Variants in DMD observed in about 807,000 individuals in gnomAD.
DMD encodes the protein dystrophin.
A neutral mutation model predicts 330.1 loss-of-function variants in DMD; 63 were observed. The observed-to-expected ratio is 0.19, with a 90% CI of 0.16 to 0.24. The LOEUF (loss-of-function observed/expected upper bound fraction) is 0.24, where lower values mean the gene tolerates loss of function less well. Among genes scored for constraint, DMD ranks in the 10% least tolerant of loss-of-function variants. The pLI is 1.00. For synonymous variants in DMD, 1,223 were observed against 959.8 expected, an observed-to-expected ratio of 1.27 and a Z score of -5.07; for missense variants, 3,344 against 2,684.1, an observed-to-expected ratio of 1.25 and a Z score of -5.43.
intron 67 of DMD, among the ~76,000 whole-genome samples, chrX:31,186,951 G>C (rs1190456222): frequency 8.9e-6 from 1 of 112,502 alleles, no homozygotes; most frequent in Non-Finnish European, 1.9e-5. Context: ...CTGAACACCT[G>C]TGTCCAGATA....
intron 4 of DMD, among the ~76,000 whole-genome samples, chrX:32,830,296 GTTTT>G (rs202164779): frequency 9.2e-6 from 1 of 108,486 alleles, no homozygotes; most frequent in African/African-American, 3.3e-5. Context: ...TCTCTTTTAT[GTTTT>G]TTTTTCTAAT....
chrX:31,951,491 TGTTA>T (rs1603617769), intron 45 of DMD, among the ~76,000 whole-genome samples: 1 of 109,627 alleles, frequency 9.1e-6, no homozygotes, highest in Admixed American at 9.9e-5. Context: ...TGCACTGTCT[TGTTA>T]GTTATTTTTA....
intron 2 of DMD, among the ~76,000 whole-genome samples, chrX:33,002,850 G>GA (rs145168802): frequency 0.028 from 1,081 of 38,713 alleles, 39 homozygotes; most frequent in Non-Finnish European, 0.032. Flanking sequence ...TTTTTTTCTC[G>GA]AAAAAAAAAA....
intron 47 of DMD, among the ~76,000 whole-genome samples, chrX:31,920,993 T>A (rs2094682756): frequency 8.9e-6 from 1 of 112,049 alleles, no homozygotes; most frequent in Admixed American, 9.5e-5. Context: ...ATGAACAAAT[T>A]ATCTTGTATT....
At chrX:32,256,925 T>C (rs2097301887) in intron 43 of DMD, among the ~76,000 whole-genome samples, 2 of 111,161 alleles carry the variant, frequency 1.8e-5, no homozygotes, top group Non-Finnish European at 3.8e-5. Flanking sequence ...ACCCAGCCTT[T>C]CTCTCTGGCT....
At chrX:32,257,931 T>G (rs1170059168) in intron 43 of DMD, among the ~76,000 whole-genome samples, 3 of 107,644 alleles carry the variant, frequency 2.8e-5, no homozygotes, top group African/African-American at 1.0e-4. Context: ...GACAAAGGGC[T>G]AATACCCGGA....
chrX:32,676,373 C>A (rs755843660), intron 9 of DMD, among the ~76,000 whole-genome samples: 1 of 111,100 alleles, frequency 9.0e-6, no homozygotes, highest in African/African-American at 3.3e-5. Context: ...AGATTTTCAA[C>A]ATGGATAATA....
At chrX:31,881,157 G>A (rs182678942) in intron 47 of DMD, among the ~76,000 whole-genome samples, 4 of 111,275 alleles carry the variant, frequency 3.6e-5, no homozygotes, top group East Asian at 2.8e-4. Context: ...GGTGTTCAAC[G>A]TGTTCATGTT....
chrX:31,972,544 G>A (rs192496932), intron 44 of DMD, among the ~76,000 whole-genome samples: 138 of 111,182 alleles, frequency 1.2e-3, no homozygotes, highest in Admixed American at 0.011. Flanking sequence ...GATGAATTAT[G>A]TAGGAAATAA....
intron 47 of DMD, among the ~76,000 whole-genome samples, chrX:31,908,924 C>T (rs969880261): frequency 2.2e-4 from 24 of 111,428 alleles, no homozygotes; most frequent in Non-Finnish European, 1.5e-4. Context: ...TTAAGAAGCA[C>T]GTATAAAAAT....
At chrX:32,991,051 T>A (rs1371867869) in intron 2 of DMD, among the ~76,000 whole-genome samples, 1 of 111,510 alleles carries the variant, frequency 9.0e-6, no homozygotes, top group Non-Finnish European at 1.9e-5. Flanking sequence ...TTGTTAAAAT[T>A]CATTTTTTCC....
intron 60 of DMD, among the ~76,000 whole-genome samples, chrX:31,351,412 C>T: frequency 9.0e-6 from 1 of 110,620 alleles, no homozygotes; most frequent in East Asian, 2.8e-4. Context: ...ACTGTTCTTG[C>T]TACTATTATG....
intron 7 of DMD, among the ~76,000 whole-genome samples, chrX:32,791,744 T>TA (rs1003048610): frequency 1.8e-5 from 2 of 111,655 alleles, no homozygotes; most frequent in African/African-American, 6.5e-5. Flanking sequence ...TACAACACCA[T>TA]AAAGCCATGA....
At chrX:32,913,808 G>A (rs1179967612) in intron 2 of DMD, among the ~76,000 whole-genome samples, 3 of 112,069 alleles carry the variant, frequency 2.7e-5, no homozygotes, top group Non-Finnish European at 5.6e-5. Flanking sequence ...AATTAATGAG[G>A]CACAGGAACC....
chrX:32,590,859 C>G (rs1264150645), intron 13 of DMD, among the ~76,000 whole-genome samples: 1 of 111,476 alleles, frequency 9.0e-6, no homozygotes, highest in Non-Finnish European at 1.9e-5. Context: ...GGGACTTCAC[C>G]TTGTAATCAT....
intron 62 of DMD, among the ~76,000 whole-genome samples, chrX:31,273,770 A>T (rs1199238204): frequency 8.9e-6 from 1 of 111,966 alleles, no homozygotes; most frequent in East Asian, 2.8e-4. Flanking sequence ...ATTATAGCAA[A>T]GGCATGAAGA....
At chrX:32,509,220 T>C (rs1043022126) in intron 18 of DMD, among the ~76,000 whole-genome samples, 1 of 98,669 alleles carries the variant, frequency 1.0e-5, no homozygotes, top group East Asian at 3.3e-4. Context: ...GTTAAGTAAA[T>C]AAACATCACT....
rs1477422356 is a variant in DMD, at chrX:32,821,246, T to A, written c.357+2049A>T. On this transcript the variant is annotated intron_variant, in intron 5 of 78. Coordinates refer to ENST00000357033, the MANE Select transcript of DMD (RefSeq NM_004006.3). Reference sequence around the variant, plus strand: ...TGCTGAATTTAATAGGTACTCTTTGTGTCTACTCACTATTTGACTCTGAGC... The same window carrying A: ...TGCTGAATTTAATAGGTACTCTTTGAGTCTACTCACTATTTGACTCTGAGC... Among the ~76,000 whole-genome samples, 11 of 111,540 alleles carry A rather than the reference T, an allele frequency of 9.9e-5. No individual in the cohort carries two copies. The Admixed American group carries it at 1.1e-3, about 11-fold the overall frequency.
In DMD at chrX:31,701,041, A is replaced by G. The variant is rs977969228; in HGVS notation, c.7661-21455T>C. ...CATTAAAGCGAAGCTAAAGGGGACC[A>G]TTATAATTCTAGCACCACAGATTTA... On this transcript the variant is annotated intron_variant, in intron 52 of 78. Transcript: ENST00000357033. Among the ~76,000 whole-genome samples the G allele has an allele frequency of 2.7e-5, 3 of 112,563 alleles. No homozygotes were observed. The Admixed American group carries it at 2.8e-4, about 11-fold the overall frequency.
Sources: allele counts gnomAD v4.1 joint callset (sites outside exome capture counted in the v4.1 genomes callset), GRCh38; gene constraint gnomAD v4.1.1; transcripts MANE v1.5; gene names NCBI Gene and HGNC (gene_info 2026-07-23, HGNC 2026-07-21).